Variants in ADAMDEC1 observed in about 807,000 individuals in gnomAD.
ADAMDEC1 encodes the protein ADAM like decysin 1.
A neutral mutation model predicts 60.4 loss-of-function variants in ADAMDEC1; 62 were observed. That is an observed-to-expected ratio of 1.03 (90% CI 0.84 to 1.27). The LOEUF (loss-of-function observed/expected upper bound fraction) is 1.27. ADAMDEC1 is among the 50% of genes most tolerant of loss of function. ADAMDEC1 has a pLI of 0.00. For missense variants in ADAMDEC1, 595 were observed against 565.0 expected, an observed-to-expected ratio of 1.05 and a Z score of -0.54; for synonymous variants, 210 against 195.1, an observed-to-expected ratio of 1.08 and a Z score of -0.64.
chr8:24,392,565 G>C (rs1370126904), intron 2 of ADAMDEC1, among the ~76,000 whole-genome samples, 185 bp downstream of exon 2: 1 of 152,210 alleles, frequency 6.6e-6, no homozygotes, highest in Non-Finnish European at 1.5e-5. Context: ...TGGTTAAGCA[G>C]CAGAGAGTCA....
At chr8:24,401,384 A>C (rs1267489417) in intron 11 of ADAMDEC1, among the ~76,000 whole-genome samples, 1 of 152,168 alleles carries the variant, frequency 6.6e-6, no homozygotes, top group African/African-American at 2.4e-5. Flanking sequence ...TCAACCAATC[A>C]ATCTGTTTTT....
intron 1 of ADAMDEC1, among the ~76,000 whole-genome samples, chr8:24,390,402 T>G (rs1817412519): frequency 6.6e-6 from 1 of 152,178 alleles, no homozygotes; most frequent in South Asian, 2.1e-4. Context: ...TCAACCTTGT[T>G]TGACTATCAT....
Position 24,390,642 on chromosome 8 carries a change from C to T in ADAMDEC1, c.89-1620C>T, listed in dbSNP as rs575591816. Among the ~76,000 whole-genome samples, 4 of 152,214 alleles carry T rather than the reference C, an allele frequency of 2.6e-5. 1 individual carries two copies. Among genetic ancestry groups the T allele is most frequent in the African/African-American group, 9.6e-5 (4 of 41,550 alleles). On this transcript the variant is annotated intron_variant, in intron 1 of 13. Coordinates refer to ENST00000256412, the MANE Select transcript of ADAMDEC1 (RefSeq NM_014479.3). ...GGTTGAGGCAGGAGAATCGTTTGAA[C>T]CTGGGAGGCAGAGGTTGCAGTGAGT...
At chr8:24,396,761 A>G (rs1817623989) in intron 5 of ADAMDEC1, among the ~76,000 whole-genome samples, 1 of 152,216 alleles carries the variant, frequency 6.6e-6, no homozygotes, top group Non-Finnish European at 1.5e-5. Flanking sequence ...TTGGATTGTA[A>G]TATTTTATTA....
At chr8:24,397,860 G>C in intron 7 of ADAMDEC1, 115 bp downstream of exon 7, 1 of 948,624 alleles carries the variant, frequency 1.1e-6, no homozygotes, top group Admixed American at 2.4e-5. Flanking sequence ...TGTCCACCTG[G>C]GTGTCTTGGC....
intron 1 of ADAMDEC1, among the ~76,000 whole-genome samples, chr8:24,385,967 T>G (rs1817280674): frequency 6.6e-6 from 1 of 151,574 alleles, no homozygotes; most frequent in African/African-American, 2.4e-5. Context: ...CTACATATCT[T>G]TTTTCCCCCC....
chr8:24,404,114 CA>C, intron 13 of ADAMDEC1, 26 bp downstream of exon 13: 1 of 1,602,752 alleles, frequency 6.2e-7, no homozygotes, highest in Non-Finnish European at 8.5e-7. Flanking sequence ...TTCTTTGTTC[CA>C]AAACGTTTTC....
At position 24,393,266 on chromosome 8, in the gene ADAMDEC1, G is replaced by A; in HGVS notation, c.212G>A (p.Arg71Lys). 1 of 1,581,620 alleles carries A rather than the reference G, an allele frequency of 6.3e-7. No homozygotes were observed. The highest frequency in any genetic ancestry group is 8.6e-7 in the Non-Finnish European group (1 of 1,160,254). ...GATGTAATTAAATGTTTTCAGGAAAGGTATGAACCTGAAGTTCAATATCAG... is the reference window on the plus strand; with the variant it reads ...GATGTAATTAAATGTTTTCAGGAAAAGTATGAACCTGAAGTTCAATATCAG... ...NQTEKHGKEE[R>K]YEPEVQYQMI... Residue 71 changes from arginine to lysine, a missense_variant, in exon 3 of 14, where the codon AGG becomes AAG. Physicochemically the swap from Arg to Lys is conservative, Grantham distance 26. Coordinates refer to ENST00000256412, the MANE Select transcript of ADAMDEC1 (RefSeq NM_014479.3).
chr8:24,394,759 C>T (rs1056517954), intron 4 of ADAMDEC1, among the ~76,000 whole-genome samples: 4 of 152,104 alleles, frequency 2.6e-5, no homozygotes, highest in African/African-American at 9.7e-5. Flanking sequence ...AAGACTTCTG[C>T]CACAGAATGG....
chr8:24,398,933 G>A lies in ADAMDEC1; in HGVS notation c.822G>A (p.Gly274=). Residue 274 remains glycine, a synonymous_variant, in exon 9 of 14, where the codon GGG becomes GGA. Transcript: ENST00000256412. ...ALVGMEIWSD[G]DKIKVVPSAS... is the part of the protein sequence containing the mutation. ...TAGGTATGGAAATCTGGTCTGATGG[G>A]GATAAGATAAAGGTGGTGCCCAGCG... 3 of 1,613,848 alleles carry A rather than the reference G, an allele frequency of 1.9e-6. No homozygotes were observed. The highest frequency in any genetic ancestry group is 2.5e-6 in the Non-Finnish European group (3 of 1,179,888).
At chr8:24,399,165 T>A in intron 9 of ADAMDEC1, 125 bp downstream of exon 9, 1 of 1,138,568 alleles carries the variant, frequency 8.8e-7, no homozygotes, top group Non-Finnish European at 1.2e-6. Flanking sequence ...ATTTTACCAC[T>A]AGCAATTCAC....
Position 24,384,331 on chromosome 8 carries a change from C to T in ADAMDEC1, c.-174C>T. ...TATAACCACAGCCATAAATATCTCT[C>T]AAAGATGAGGAACATTCTCATGATG... On this transcript the variant is annotated 5_prime_UTR_variant, in exon 1 of 14. Transcript: ENST00000256412. 1.7e-6 allele frequency: 1 copy of T among 585,048 alleles called. No individual in the cohort carries two copies. Among genetic ancestry groups the T allele is most frequent in the East Asian group, 3.0e-5 (1 of 33,808 alleles). 36.2% of individuals were successfully genotyped at this position (585,048 alleles called of 1,614,324 possible).
intron 1 of ADAMDEC1, chr8:24,387,175 G>A (rs1817313124): frequency 6.6e-6 from 1 of 152,168 alleles, no homozygotes; most frequent in Non-Finnish European, 1.5e-5. Flanking sequence ...TTGTCTTGTT[G>A]ATCTTGCATC....
chr8:24,388,567 A>G (rs1160118298), intron 1 of ADAMDEC1, among the ~76,000 whole-genome samples: 1 of 151,454 alleles, frequency 6.6e-6, no homozygotes, highest in Non-Finnish European at 1.5e-5. Context: ...GGCCTCCTTT[A>G]CTGGTTCCTC....
At chr8:24,394,030 C>T (rs759616608) in intron 3 of ADAMDEC1, 39 bp from the exon 4 acceptor site, 2 of 1,399,764 alleles carry the variant, frequency 1.4e-6, no homozygotes, top group Non-Finnish European at 2.0e-6. Flanking sequence ...GCCTTTCTTA[C>T]CATCCTGAGT....
rs1175244104 is a variant in ADAMDEC1 at position 24,395,304 on chromosome 8, G to A, written c.364-416G>A. ...CACAGTGCCTTTGGCACTCAGCACA[G>A]TGAAGCCAAATTCTTGAGCACTGAC... On this transcript the variant is annotated intron_variant, in intron 4 of 13. Transcript: ENST00000256412. Among the ~76,000 whole-genome samples, 5 of 152,204 alleles carry A rather than the reference G, an allele frequency of 3.3e-5. No homozygotes were observed. In the South Asian group the frequency reaches 8.3e-4, roughly 25 times the overall value.
At position 24,404,013 on chromosome 8, in the gene ADAMDEC1, A is replaced by G. The variant is rs3765124; in HGVS notation, c.1331A>G (p.Asn444Ser). Residue 444 changes from asparagine to serine, a missense_variant, in exon 13 of 14, where the codon AAT becomes AGT. Asn to Ser is a conservative substitution (Grantham distance 46, BLOSUM62 1). Coordinates refer to ENST00000256412, the MANE Select transcript of ADAMDEC1 (RefSeq NM_014479.3). ...CDCGSPKECT[N>S]LCCEALTCKL... Reference sequence around the variant, plus strand: ...GTGTGTGCTTTGAAGGAGTGTACCAATCTCTGCTGTGAAGCCCTAACGTGT... The same window carrying G: ...GTGTGTGCTTTGAAGGAGTGTACCAGTCTCTGCTGTGAAGCCCTAACGTGT... 0.42 allele frequency: 669,041 copies of G among 1,611,798 alleles called. 144,173 individuals are homozygous for G. Among genetic ancestry groups the G allele is most frequent in the Admixed American group, 0.46 (27,291 of 59,874 alleles).
At chr8:24,393,825 A>C (rs1265792979) in intron 3 of ADAMDEC1, among the ~76,000 whole-genome samples, 1 of 152,148 alleles carries the variant, frequency 6.6e-6, no homozygotes, top group East Asian at 1.9e-4. Context: ...CAAAATTACT[A>C]ATTTGAAGAT....
chr8:24,388,246 T>C (rs947694737), intron 1 of ADAMDEC1, among the ~76,000 whole-genome samples: 1 of 152,108 alleles, frequency 6.6e-6, no homozygotes, highest in Non-Finnish European at 1.5e-5. Context: ...CCTTTCCCTA[T>C]AGTTTTTCCC....
Sources: allele counts gnomAD v4.1 joint callset (sites outside exome capture counted in the v4.1 genomes callset), GRCh38; gene constraint gnomAD v4.1.1; transcripts MANE v1.5; gene names NCBI Gene and HGNC (gene_info 2026-07-23, HGNC 2026-07-21).